SRGAP2: variants seen among roughly 807,000 people sequenced by gnomAD.
The protein encoded by SRGAP2 is SLIT-ROBO Rho GTPase-activating protein 2.
Under a neutral mutation model 57.2 loss-of-function variants are expected in SRGAP2, and 15 were observed. The ratio of observed to expected loss-of-function variants is 0.26; its 90% CI spans 0.18 to 0.40. The LOEUF (loss-of-function observed/expected upper bound fraction) is 0.40, where lower values mean the gene tolerates loss of function less well. Among genes scored for constraint, SRGAP2 ranks in the 10% least tolerant of loss-of-function variants. The pLI is 1.00. For missense variants in SRGAP2, 520 were observed against 669.6 expected, an observed-to-expected ratio of 0.78 and a Z score of 2.47; for synonymous variants, 249 against 248.0, an observed-to-expected ratio of 1.00 and a Z score of -0.04.
chr1:206,298,384 A>G (rs1307022504), intron 2 of SRGAP2, among the ~76,000 whole-genome samples: 2 of 152,252 alleles, frequency 1.3e-5, no homozygotes, highest in African/African-American at 2.4e-5. Context: ...ATGGAAACCA[A>G]GAATCCGTTC....
intron 2 of SRGAP2, among the ~76,000 whole-genome samples, chr1:206,230,158 A>G (rs1246295598): frequency 3.3e-5 from 5 of 152,136 alleles, no homozygotes; most frequent in Non-Finnish European, 5.9e-5. Flanking sequence ...CATTCAATCA[A>G]TCAAAATGTT....
chr1:206,304,285 C>T, intron 3 of SRGAP2, among the ~76,000 whole-genome samples: 1 of 140,756 alleles, frequency 7.1e-6, no homozygotes, highest in African/African-American at 2.8e-5. Context: ...AAATCTGGGC[C>T]CCACTCCAGA....
chr1:206,277,802 A>G (rs1179827933), intron 2 of SRGAP2, among the ~76,000 whole-genome samples: 287 of 152,258 alleles, frequency 1.9e-3, no homozygotes, highest in African/African-American at 6.5e-3. Flanking sequence ...AAAAATACTA[A>G]AAATGCAAAA....
rs567047772 is a variant in SRGAP2, at chr1:206,324,418, C to A, written c.261-18428C>A. ...GACGTTTATACCCTTTTAAAATCTT[C>A]CATCTAGGACTAGGGACCTTATGTC... is the stretch of plus-strand genomic sequence containing the variant. On this transcript the variant is annotated intron_variant, in intron 3 of 22. Coordinates refer to ENST00000573034, the MANE Select transcript of SRGAP2 (RefSeq NM_015326.5). Among the ~76,000 whole-genome samples the A allele has an allele frequency of 2.9e-3, 438 of 152,326 alleles. 4 individuals are homozygous for A. The highest frequency in any genetic ancestry group is 0.01 in the African/African-American group (416 of 41,558).
intron 17 of SRGAP2, among the ~76,000 whole-genome samples, chr1:206,442,596 C>T (rs946860854): frequency 6.6e-6 from 1 of 152,170 alleles, no homozygotes; most frequent in Non-Finnish European, 1.5e-5. Context: ...CTATTGAAGA[C>T]AGCATAGGAA....
At chr1:206,432,596 A>G (rs1401161009) in intron 14 of SRGAP2, among the ~76,000 whole-genome samples, 1 of 152,260 alleles carries the variant, frequency 6.6e-6, no homozygotes, top group Admixed American at 6.5e-5. Flanking sequence ...TATAAGAATG[A>G]GTAAGATTTC....
intron 21 of SRGAP2, 184 bp downstream of exon 21, chr1:206,455,208 T>C (rs1417913827): frequency 3.1e-6 from 2 of 639,140 alleles, no homozygotes; most frequent in African/African-American, 3.6e-5. Context: ...GCTACAAGCC[T>C]CGGGGCAGGT....
chr1:206,289,184 C>T (rs1671170755), intron 2 of SRGAP2, among the ~76,000 whole-genome samples: 1 of 140,276 alleles, frequency 7.1e-6, no homozygotes, highest in East Asian at 2.0e-4. Flanking sequence ...ATCTGTATCC[C>T]TCACCCATTC....
chr1:206,307,915 G>C (rs1479511530), intron 3 of SRGAP2, among the ~76,000 whole-genome samples: 5 of 152,204 alleles, frequency 3.3e-5, no homozygotes, highest in South Asian at 4.1e-4. Context: ...TGCAGGGGGG[G>C]GTGCTGAAGG....
At chr1:206,431,657 T>C (rs1553368330) in intron 14 of SRGAP2, among the ~76,000 whole-genome samples, 1 of 152,244 alleles carries the variant, frequency 6.6e-6, no homozygotes. Flanking sequence ...AAACCTTACA[T>C]TCCACTGAAA....
intron 14 of SRGAP2, among the ~76,000 whole-genome samples, chr1:206,435,614 A>C (rs1326210025): frequency 1.3e-5 from 2 of 152,208 alleles, no homozygotes; most frequent in Non-Finnish European, 2.9e-5. Flanking sequence ...CTTGCACTCC[A>C]GTAGACTCCA....
chr1:206,421,361 C>G lies in SRGAP2; in HGVS notation c.1494+87C>G, dbSNP rs116683946. The stretch of plus-strand genomic sequence containing the variant: ...TTATTGAGCGCCACTGTGTGCAGGA[C>G]AGACACCTCTGACTTCATGCCTGCA... On this transcript the variant is annotated intron_variant, in intron 13 of 22. Transcript: ENST00000573034. 3,147 of 629,452 alleles carry G rather than the reference C, an allele frequency of 5.0e-3. 11 individuals are homozygous for G. Among genetic ancestry groups the G allele is most frequent in the Non-Finnish European group, 6.7e-3 (2,290 of 341,626 alleles). 39.0% of individuals were successfully genotyped at this position (629,452 alleles called of 1,614,324 possible). A position where few individuals can be genotyped will look rare whatever the true frequency, so the allele number is the denominator to read the frequency against.
chr1:206,206,087 G>T, intron 2 of SRGAP2, 50 bp downstream of exon 2: 1 of 1,486,588 alleles, frequency 6.7e-7, no homozygotes, highest in Non-Finnish European at 9.1e-7. Flanking sequence ...GGACTGGTGA[G>T]GCGTGTATTT....
At chr1:206,458,362 T>C in intron 21 of SRGAP2, 1 of 654,376 alleles carries the variant, frequency 1.5e-6, no homozygotes, top group East Asian at 3.2e-5. Context: ...CAGACATTTT[T>C]TCTGACAGCA....
chr1:206,430,980 A>G (rs1483055036), intron 14 of SRGAP2, among the ~76,000 whole-genome samples: 1 of 152,204 alleles, frequency 6.6e-6, no homozygotes, highest in Non-Finnish European at 1.5e-5. Flanking sequence ...TTGTTTTTAG[A>G]TGCTGTTCTT....
intron 4 of SRGAP2, among the ~76,000 whole-genome samples, chr1:206,380,464 T>C (rs558572275): frequency 0.039 from 5,802 of 147,090 alleles, 214 homozygotes; most frequent in Non-Finnish European, 0.069. Flanking sequence ...ACATCTCTAT[T>C]CTAAATTTAG....
At chr1:206,448,083 A>C (rs1662926196) in intron 18 of SRGAP2, among the ~76,000 whole-genome samples, 1 of 152,096 alleles carries the variant, frequency 6.6e-6, no homozygotes, top group African/African-American at 2.4e-5. Context: ...ATTCACACCC[A>C]CCTGGAAGGC....
chr1:206,239,776 A>T (rs1481459414), intron 2 of SRGAP2, among the ~76,000 whole-genome samples: 1 of 151,686 alleles, frequency 6.6e-6, no homozygotes, highest in Non-Finnish European at 1.5e-5. Flanking sequence ...AAGATTTTTG[A>T]TGTACTTTTT....
intron 2 of SRGAP2, among the ~76,000 whole-genome samples, chr1:206,276,652 A>T (rs1670429785): frequency 6.6e-6 from 1 of 152,032 alleles, no homozygotes; most frequent in East Asian, 1.9e-4. Context: ...ATCCTTCTGA[A>T]ATTGCCTCCT....
Sources: allele counts gnomAD v4.1 joint callset (sites outside exome capture counted in the v4.1 genomes callset), GRCh38; gene constraint gnomAD v4.1.1; transcripts MANE v1.5; gene names NCBI Gene and HGNC (gene_info 2026-07-23, HGNC 2026-07-21).